The following TPP2 variants were observed in gnomAD, a reference collection of about 807,000 sequenced individuals.
TPP2 encodes tripeptidyl peptidase 2.
Under a neutral mutation model 155.9 loss-of-function variants are expected in TPP2, and 34 were observed. The ratio of observed to expected loss-of-function variants is 0.22; its 90% CI spans 0.17 to 0.29. The LOEUF (loss-of-function observed/expected upper bound fraction) is 0.29, where lower values mean the gene tolerates loss of function less well. Among genes scored for constraint, TPP2 ranks in the 10% least tolerant of loss-of-function variants. The pLI, the probability that TPP2 is intolerant of heterozygous loss-of-function variation, is 1.00. For missense variants in TPP2, 1,028 were observed against 1,522.3 expected (o/e 0.68, Z 5.40); for synonymous variants, 510 against 529.4 (o/e 0.96, Z 0.50).
At chr13:102,651,650 T>C (rs1380525147) in intron 24 of TPP2, among the ~76,000 whole-genome samples, 3 of 152,070 alleles carry the variant, frequency 2.0e-5, no homozygotes, top group African/African-American at 7.2e-5. Flanking sequence ...ATTTTAATGC[T>C]ATTCATTTCT....
intron 10 of TPP2, chr13:102,631,153 A>C (rs1881993510): frequency 1.3e-5 from 2 of 152,250 alleles, no homozygotes; most frequent in Non-Finnish European, 2.9e-5. Context: ...CTAGTAACTG[A>C]GTATGTTTGA....
intron 3 of TPP2, among the ~76,000 whole-genome samples, chr13:102,614,704 A>G (rs1422925378): frequency 6.6e-6 from 1 of 152,176 alleles, no homozygotes; most frequent in Non-Finnish European, 1.5e-5. Flanking sequence ...CCAGTGTGCC[A>G]TTAGAAAAAT....
intron 21 of TPP2, among the ~76,000 whole-genome samples, chr13:102,648,515 G>T (rs1487307625): frequency 1.3e-5 from 2 of 149,990 alleles, no homozygotes; most frequent in African/African-American, 4.9e-5. Flanking sequence ...CATTTTTTTG[G>T]TAGTGTTTCT....
At chr13:102,650,487 A>G (rs1433903788) in intron 23 of TPP2, among the ~76,000 whole-genome samples, 1 of 152,196 alleles carries the variant, frequency 6.6e-6, no homozygotes. Context: ...CTGTTTATAC[A>G]TACGTACTTT....
At chr13:102,654,291 A>G (rs1484064003) in intron 24 of TPP2, among the ~76,000 whole-genome samples, 6 of 152,204 alleles carry the variant, frequency 3.9e-5, no homozygotes, top group Admixed American at 2.0e-4. Context: ...GTAGGATTAC[A>G]CTAACATTTA....
At chr13:102,623,759 TTCTTAC>T (rs1881342984) in intron 6 of TPP2, among the ~76,000 whole-genome samples, 4 of 152,238 alleles carry the variant, frequency 2.6e-5, no homozygotes, top group African/African-American at 9.6e-5. Context: ...CTGTGTGTTA[TTCTTAC>T]TGTGAAATAC....
chr13:102,606,399 T>C (rs999911164), intron 2 of TPP2, among the ~76,000 whole-genome samples: 2 of 152,180 alleles, frequency 1.3e-5, no homozygotes, highest in East Asian at 1.9e-4. Context: ...GCATGGCTTT[T>C]TGTGGGTCTC....
intron 6 of TPP2, among the ~76,000 whole-genome samples, chr13:102,623,582 G>C (rs1881331468): frequency 6.6e-6 from 1 of 152,096 alleles, no homozygotes; most frequent in Admixed American, 6.5e-5. Context: ...TCCATCAATA[G>C]AATTTATCTC....
At chr13:102,653,977 T>G (rs149047819) in intron 24 of TPP2, among the ~76,000 whole-genome samples, 1 of 152,302 alleles carries the variant, frequency 6.6e-6, no homozygotes, top group East Asian at 1.9e-4. Context: ...TTTTCTAAAC[T>G]TAACATTAAA....
In TPP2 at chr13:102,657,060, T is replaced by C. The variant is rs772712036; in HGVS notation, c.2996T>C (p.Val999Ala). ...AATCTCTCTCCACATTCGTAGGATGTAATCCCTGTTCATTACTACTTAATA... is the reference window on the plus strand; with the variant it reads ...AATCTCTCTCCACATTCGTAGGATGCAATCCCTGTTCATTACTACTTAATA... ...AKRQGKFKKD[V>A]IPVHYYLIPP... The change falls in exon 25 of 30, where the codon GTA becomes GCA. Residue 999 changes from valine to alanine, a missense_variant. Physicochemically the swap from Val to Ala is moderately conservative, Grantham distance 64. Around this residue, in one of 7 missense-constraint regions of TPP2, gnomAD observed 179 missense variants for 274.7 expected, o/e 0.65. Transcript: ENST00000376052. The C allele has an allele frequency of 1.3e-6, 2 of 1,588,256 alleles. No individual in the cohort carries two copies. Among genetic ancestry groups the C allele is most frequent in the Admixed American group, 3.8e-5 (2 of 52,488 alleles).
chr13:102,678,125 T>C, intron 29 of TPP2, 102 bp from the exon 30 acceptor site: 1 of 1,142,342 alleles, frequency 8.8e-7, no homozygotes, highest in Non-Finnish European at 1.2e-6. Flanking sequence ...TTCTATATGC[T>C]ACTACCTTAC....
chr13:102,614,061 C>A, intron 2 of TPP2, 40 bp from the exon 3 acceptor site: 1 of 1,565,006 alleles, frequency 6.4e-7, no homozygotes, highest in Non-Finnish European at 8.8e-7. Flanking sequence ...AATTGGAAAG[C>A]ATTTAGTGAA....
chr13:102,660,293 AC>A (rs1157609556), intron 25 of TPP2, among the ~76,000 whole-genome samples: 1 of 152,148 alleles, frequency 6.6e-6, no homozygotes, highest in Non-Finnish European at 1.5e-5. Flanking sequence ...GAACAGTGGA[AC>A]AAAAAAACAG....
intron 21 of TPP2, among the ~76,000 whole-genome samples, chr13:102,648,429 C>CGTGTGTGTGTGTGTGTGT (rs56934655): frequency 7.4e-5 from 11 of 148,068 alleles, no homozygotes; most frequent in East Asian, 4.0e-4. Context: ...ATAAGTTACA[C>CGTGTGTGTGTGTGTGTGT]GTGTGTGTGT....
At position 102,627,185 on chromosome 13, in the gene TPP2, T is replaced by G. The variant is rs1881683787; in HGVS notation, c.939+19T>G. The G allele has an allele frequency of 6.5e-7, 1 of 1,546,686 alleles. No homozygotes were observed. The highest frequency in any genetic ancestry group is 2.3e-5 in the East Asian group (1 of 42,828). On this transcript the variant is annotated intron_variant, in intron 7 of 29. Transcript: ENST00000376052. ...AAGAGCTGTGAGTGTTTGTGAGTTG[T>G]TGATTCAGAAGATTAATGATTAATG...
intron 24 of TPP2, among the ~76,000 whole-genome samples, chr13:102,654,398 CTTT>C (rs1001418977): frequency 2.6e-5 from 4 of 152,196 alleles, no homozygotes; most frequent in African/African-American, 9.6e-5. Flanking sequence ...TTCTTTGTCT[CTTT>C]TTTTGCTTTT....
intron 2 of TPP2, among the ~76,000 whole-genome samples, chr13:102,605,328 C>T (rs573775406): frequency 1.4e-4 from 21 of 152,290 alleles, no homozygotes; most frequent in African/African-American, 3.4e-4. Context: ...AGAGTCCCCA[C>T]GATGAAAGCC....
chr13:102,666,143 C>T (rs1416628098), intron 27 of TPP2, among the ~76,000 whole-genome samples: 1 of 152,144 alleles, frequency 6.6e-6, no homozygotes, highest in African/African-American at 2.4e-5. Flanking sequence ...TTCCAAACAA[C>T]ATGGAAGGCA....
Position 102,678,302 on chromosome 13 carries a change from T to C in TPP2, c.3775T>C (p.Tyr1259His). 6.2e-7 allele frequency: 1 copy of C among 1,613,596 alleles called. No homozygotes were observed. Among genetic ancestry groups the C allele is most frequent in the Non-Finnish European group, 8.5e-7 (1 of 1,179,710 alleles). Residue 1259 changes from tyrosine to histidine, a missense_variant, in exon 30 of 30, where the codon TAT becomes CAT. Coordinates refer to ENST00000376052, the MANE Select transcript of TPP2 (RefSeq NM_001330588.2). ...GCTCCCCATCATGTATCCTCCCGAT[T>C]ATTGCGTATTCTAAAATAGGAAACA... ...NWLPIMYPPDYCVF is the reference protein window; with the variant it reads ...NWLPIMYPPDHCVF
Sources: gnomAD v4.1 joint callset for allele counts (sites outside exome capture counted in the v4.1 genomes callset) on GRCh38, gnomAD v4.1.1 for gene constraint, gnomAD v4.1.1 regional missense constraint, MANE v1.5 for transcripts, NCBI Gene and HGNC (gene_info 2026-07-23, HGNC 2026-07-21) for gene names.